Variants in GPR39 observed in about 807,000 individuals in gnomAD.
GPR39 encodes G protein-coupled receptor 39, also known as zinc sensing receptor.
A neutral mutation model predicts 18.4 loss-of-function variants in GPR39; 23 were observed. The observed-to-expected ratio is 1.25, with a 90% CI of 0.90 to 1.77. The LOEUF (loss-of-function observed/expected upper bound fraction) is 1.77. Ranked by LOEUF, GPR39 falls within the 40% of genes most tolerant of loss-of-function variation. GPR39 has a pLI of 0.00. For missense variants in GPR39, 647 were observed against 602.4 expected (o/e 1.07, Z -0.78); for synonymous variants, 280 against 257.9 (o/e 1.09, Z -0.82).
At chr2:132,419,060 T>C (rs1679961991) in intron 1 of GPR39, among the ~76,000 whole-genome samples, 1 of 152,138 alleles carries the variant, frequency 6.6e-6, no homozygotes, top group African/African-American at 2.4e-5. Context: ...TGGCTTCCAG[T>C]GTGTCATTAA....
At chr2:132,485,094 AG>A (rs1389288418) in intron 1 of GPR39, among the ~76,000 whole-genome samples, 1 of 152,264 alleles carries the variant, frequency 6.6e-6, no homozygotes, top group East Asian at 1.9e-4. Flanking sequence ...GTTCAATTCC[AG>A]ACCCCTGCAA....
chr2:132,549,370 T>C (rs1680001471), intron 1 of GPR39, among the ~76,000 whole-genome samples: 1 of 152,194 alleles, frequency 6.6e-6, no homozygotes, highest in Non-Finnish European at 1.5e-5. Flanking sequence ...CAAACTTTGC[T>C]CACCATATAC....
chr2:132,435,458 A>G (rs1451648875), intron 1 of GPR39, among the ~76,000 whole-genome samples: 1 of 152,222 alleles, frequency 6.6e-6, no homozygotes, highest in Non-Finnish European at 1.5e-5. Flanking sequence ...TATACAATAC[A>G]TACACAAAAT....
At chr2:132,422,761 A>G (rs1317376953) in intron 1 of GPR39, among the ~76,000 whole-genome samples, 1 of 152,058 alleles carries the variant, frequency 6.6e-6, no homozygotes, top group African/African-American at 2.4e-5. Flanking sequence ...AGCCTGGCAG[A>G]CAAATATAAT....
chr2:132,625,582 A>AG (rs1321870464), intron 1 of GPR39, among the ~76,000 whole-genome samples: 9 of 152,262 alleles, frequency 5.9e-5, no homozygotes, highest in South Asian at 4.1e-4. Context: ...TGAGAACAGA[A>AG]GGGGGGGAAA....
At chr2:132,623,099 G>A (rs907507072) in intron 1 of GPR39, among the ~76,000 whole-genome samples, 3 of 152,114 alleles carry the variant, frequency 2.0e-5, no homozygotes, top group Admixed American at 6.5e-5. Context: ...GTGACAAAGC[G>A]AGACTCTGTC....
chr2:132,503,921 G>A (rs1362225525), intron 1 of GPR39, among the ~76,000 whole-genome samples: 1 of 152,170 alleles, frequency 6.6e-6, no homozygotes, highest in African/African-American at 2.4e-5. Flanking sequence ...CAAGCAGCCT[G>A]TAGTCCTAAT....
chr2:132,459,465 G>A (rs1221243678), intron 1 of GPR39, among the ~76,000 whole-genome samples: 1 of 152,146 alleles, frequency 6.6e-6, no homozygotes, highest in Non-Finnish European at 1.5e-5. Context: ...GACCACCCAT[G>A]CCTGAATCCT....
chr2:132,635,845 A>G (rs1251151106), intron 1 of GPR39, among the ~76,000 whole-genome samples: 2 of 152,120 alleles, frequency 1.3e-5, no homozygotes, highest in African/African-American at 2.4e-5. Flanking sequence ...ATAAAAGAAG[A>G]GGAAGAGAGC....
rs147422006 is a variant in GPR39 at position 132,570,403 on chromosome 2, T to G, written c.857-74698T>G. Among the ~76,000 whole-genome samples the G allele has an allele frequency of 2.0e-3, 299 of 152,238 alleles. 2 individuals carry two copies. Among genetic ancestry groups the G allele is most frequent in the African/African-American group, 7.0e-3 (292 of 41,546 alleles). On this transcript the variant is annotated intron_variant, in intron 1 of 1. Coordinates refer to ENST00000329321, the MANE Select transcript of GPR39 (RefSeq NM_001508.3). ...CTTGCCTGTTTTAATCATCCTTATT[T>G]TATCCTTATATGCCCTCTACTATAT...
intron 1 of GPR39, among the ~76,000 whole-genome samples, chr2:132,469,807 G>A (rs1463677810): frequency 6.6e-6 from 1 of 152,288 alleles, no homozygotes; most frequent in Non-Finnish European, 1.5e-5. Flanking sequence ...ATGCTGGCTG[G>A]TGGGGTTGAG....
At chr2:132,557,604 A>ATT (rs1275310892) in intron 1 of GPR39, among the ~76,000 whole-genome samples, 1 of 151,846 alleles carries the variant, frequency 6.6e-6, no homozygotes, top group Non-Finnish European at 1.5e-5. Flanking sequence ...AGAGAGAGAG[A>ATT]GAGAGAGAGA....
intron 1 of GPR39, among the ~76,000 whole-genome samples, chr2:132,625,879 A>T (rs1221232866): frequency 6.6e-6 from 1 of 152,136 alleles, no homozygotes; most frequent in Non-Finnish European, 1.5e-5. Context: ...AGGCGGGTGG[A>T]TCACAAGGTT....
At chr2:132,555,369 T>C (rs1008953175) in intron 1 of GPR39, among the ~76,000 whole-genome samples, 2 of 152,146 alleles carry the variant, frequency 1.3e-5, no homozygotes, top group African/African-American at 4.8e-5. Flanking sequence ...TGGCCTGCTG[T>C]GTTTCAGGGT....
At chr2:132,490,923 C>CG (rs960540603) in intron 1 of GPR39, among the ~76,000 whole-genome samples, 18 of 152,110 alleles carry the variant, frequency 1.2e-4, no homozygotes, top group Admixed American at 6.5e-5. Context: ...AAAGGGGCTG[C>CG]GAAGGCTCTG....
intron 1 of GPR39, among the ~76,000 whole-genome samples, chr2:132,457,597 A>G (rs979416095): frequency 1.3e-5 from 2 of 152,216 alleles, no homozygotes; most frequent in Non-Finnish European, 2.9e-5. Context: ...TCAGGGACCC[A>G]CTTGAGGAGG....
At chr2:132,593,092 G>C (rs1053704478) in intron 1 of GPR39, among the ~76,000 whole-genome samples, 11 of 152,180 alleles carry the variant, frequency 7.2e-5, no homozygotes, top group African/African-American at 2.7e-4. Flanking sequence ...GAATTGCATG[G>C]GGTAAAATCT....
At chr2:132,614,183 T>G (rs1558859187) in intron 1 of GPR39, among the ~76,000 whole-genome samples, 1 of 140,734 alleles carries the variant, frequency 7.1e-6, no homozygotes, top group African/African-American at 3.2e-5. Flanking sequence ...CTTGCTTTTT[T>G]TTTTGTTTTT....
Position 132,644,114 on chromosome 2 carries a change from G to GTAAC in GPR39, c.857-983_857-980dup, listed in dbSNP as rs1681932604. 2.6e-5 allele frequency among the ~76,000 whole-genome samples: 4 copies of GTAAC among 152,314 alleles called. No homozygotes were observed. The South Asian group carries it at 8.3e-4, about 32-fold the overall frequency. On this transcript the variant is annotated intron_variant, in intron 1 of 1. Coordinates refer to ENST00000329321, the MANE Select transcript of GPR39 (RefSeq NM_001508.3). ...TTTGTTCTTTTTTGCTTTTGTCACT[G>GTAAC]TAACTAAACTCTCATGATACCTGTG...
Sources: gnomAD v4.1 joint callset for allele counts (sites outside exome capture counted in the v4.1 genomes callset) on GRCh38, gnomAD v4.1.1 for gene constraint, MANE v1.5 for transcripts, NCBI Gene and HGNC (gene_info 2026-07-23, HGNC 2026-07-21) for gene names.